The following LARS2 variants were observed in gnomAD, a reference collection of about 807,000 sequenced individuals.
LARS2 encodes leucine--tRNA ligase, mitochondrial.
LARS2 carries 81 observed loss-of-function variants against 116.6 expected under a neutral mutation model. The observed-to-expected ratio is 0.69, with a 90% CI of 0.58 to 0.84. The LOEUF (loss-of-function observed/expected upper bound fraction) is 0.84. Ranked by LOEUF, LARS2 falls within the 40% of genes least tolerant of loss-of-function variation. LARS2 has a pLI of 0.00. For synonymous variants in LARS2, 396 were observed against 407.2 expected, an observed-to-expected ratio of 0.97 and a Z score of 0.33; for missense variants, 968 against 1,114.5, an observed-to-expected ratio of 0.87 and a Z score of 1.87.
chr3:45,450,780 T>G (rs1699114469), intron 7 of LARS2, among the ~76,000 whole-genome samples: 2 of 152,166 alleles, frequency 1.3e-5, no homozygotes, highest in Admixed American at 1.3e-4. Context: ...TTTTTAATTT[T>G]ACAAGGAACC....
At chr3:45,481,460 C>T (rs1477907039) in intron 10 of LARS2, among the ~76,000 whole-genome samples, 2 of 152,276 alleles carry the variant, frequency 1.3e-5, no homozygotes, top group East Asian at 1.9e-4. Context: ...TTTACATTCC[C>T]ACCAGCAGTG....
At chr3:45,545,972 A>C (rs991841610) in intron 21 of LARS2, among the ~76,000 whole-genome samples, 1 of 151,966 alleles carries the variant, frequency 6.6e-6, no homozygotes, top group African/African-American at 2.4e-5. Context: ...AAAAAAAAAA[A>C]AAAACTAAGC....
chr3:45,405,751 C>G (rs1402211842), intron 4 of LARS2, among the ~76,000 whole-genome samples: 6 of 152,170 alleles, frequency 3.9e-5, no homozygotes. Context: ...CTTAAAACAA[C>G]AAAATTTTGT....
At chr3:45,514,007 A>G (rs1243249187) in intron 16 of LARS2, among the ~76,000 whole-genome samples, 1 of 152,116 alleles carries the variant, frequency 6.6e-6, no homozygotes, top group Non-Finnish European at 1.5e-5. Flanking sequence ...GGAGTTCAAG[A>G]CCATCCTGGC....
intron 6 of LARS2, among the ~76,000 whole-genome samples, chr3:45,428,387 A>G (rs1434371042): frequency 2.0e-5 from 3 of 151,476 alleles, no homozygotes; most frequent in African/African-American, 7.3e-5. Context: ...GGGACTACAG[A>G]TGCCTGCCAC....
intron 7 of LARS2, among the ~76,000 whole-genome samples, chr3:45,452,681 C>T (rs1381167250): frequency 6.6e-6 from 1 of 152,078 alleles, no homozygotes; most frequent in Admixed American, 6.6e-5. Context: ...GTTTGGATAT[C>T]AGGGTAATGC....
rs768054581 is a variant in LARS2 at position 45,476,616 on chromosome 3, T to C, written c.1007T>C (p.Val336Ala). The C allele has an allele frequency of 1.9e-5, 31 of 1,614,092 alleles. No individual in the cohort carries two copies. The highest frequency in any genetic ancestry group is 2.5e-5 in the Non-Finnish European group (30 of 1,179,974). Reference sequence around the variant, plus strand: ...AAGGAAGCCTTGAGGATGGCCCTTGTCCCTGGCAAAGGTGAGCTGGCAAGT... The same window carrying C: ...AAGGAAGCCTTGAGGATGGCCCTTGCCCCTGGCAAAGGTGAGCTGGCAAGT... ...SLKEALRMALVPGKDCLTPVM... is the reference protein window; with the variant it reads ...SLKEALRMALAPGKDCLTPVM... Residue 336 changes from valine to alanine, a missense_variant, in exon 10 of 22, where the codon GTC becomes GCC. Coordinates refer to ENST00000645846, the MANE Select transcript of LARS2 (RefSeq NM_015340.4).
chr3:45,488,275 A>T (rs555570064), intron 11 of LARS2, among the ~76,000 whole-genome samples: 1 of 152,256 alleles, frequency 6.6e-6, no homozygotes, highest in South Asian at 2.1e-4. Flanking sequence ...TCTACTAAAA[A>T]TACAAAAATT....
At chr3:45,476,895 T>A (rs1699620256) in intron 10 of LARS2, among the ~76,000 whole-genome samples, 1 of 152,202 alleles carries the variant, frequency 6.6e-6, no homozygotes, top group South Asian at 2.1e-4. Context: ...TTCAGTATAA[T>A]CTAAAGTTCT....
At chr3:45,532,935 C>T (rs1203938444) in intron 20 of LARS2, among the ~76,000 whole-genome samples, 1 of 152,150 alleles carries the variant, frequency 6.6e-6, no homozygotes, top group Non-Finnish European at 1.5e-5. Flanking sequence ...AACCACAGCG[C>T]CCGGCCACCT....
chr3:45,431,488 T>G, intron 6 of LARS2, among the ~76,000 whole-genome samples: 1 of 152,242 alleles, frequency 6.6e-6, no homozygotes, highest in Non-Finnish European at 1.5e-5. Context: ...TGATACACAG[T>G]GTATAAAGAT....
intron 20 of LARS2, among the ~76,000 whole-genome samples, chr3:45,525,102 C>T (rs555476745): frequency 6.6e-6 from 1 of 152,352 alleles, no homozygotes; most frequent in South Asian, 2.1e-4. Flanking sequence ...CCATCTCCCT[C>T]AGAGTTGCTT....
At chr3:45,438,885 G>A (rs747958085) in intron 6 of LARS2, among the ~76,000 whole-genome samples, 1 of 151,924 alleles carries the variant, frequency 6.6e-6, no homozygotes, top group Non-Finnish European at 1.5e-5. Context: ...GGAGGAAAGA[G>A]CAATTTGGGA....
At chr3:45,408,403 A>G (rs527992696) in intron 4 of LARS2, among the ~76,000 whole-genome samples, 64 of 152,336 alleles carry the variant, frequency 4.2e-4, no homozygotes, top group Middle Eastern at 3.4e-3. Context: ...TCTGATCTCA[A>G]AGTAAGGCAG....
intron 21 of LARS2, among the ~76,000 whole-genome samples, chr3:45,543,096 C>T (rs141097303): frequency 6.6e-6 from 1 of 152,302 alleles, no homozygotes; most frequent in East Asian, 1.9e-4. Flanking sequence ...TCCTTCACAG[C>T]CCCTTTGTCT....
chr3:45,434,756 C>G (rs1020014010), intron 6 of LARS2, among the ~76,000 whole-genome samples: 1 of 152,192 alleles, frequency 6.6e-6, no homozygotes, highest in Non-Finnish European at 1.5e-5. Context: ...GGGCCACTAT[C>G]TCTTTACTTC....
intron 15 of LARS2, among the ~76,000 whole-genome samples, chr3:45,507,776 A>G (rs1700220734): frequency 1.3e-5 from 2 of 152,128 alleles, no homozygotes; most frequent in Admixed American, 6.5e-5. Flanking sequence ...TCATGCCAAC[A>G]TGTTAACACT....
Position 45,548,009 on chromosome 3 carries a change from G to A in LARS2, c.*479G>A, listed in dbSNP as rs1358277231. The A allele has an allele frequency of 6.5e-6, 1 of 153,744 alleles. No homozygotes were observed. The highest frequency in any genetic ancestry group is 1.4e-5 in the Non-Finnish European group (1 of 69,140). The allele number at this position is 153,744 out of a possible 1,614,324, so 9.5% of individuals were successfully genotyped here. On this transcript the variant is annotated 3_prime_UTR_variant, in exon 22 of 22. Coordinates refer to ENST00000645846, the MANE Select transcript of LARS2 (RefSeq NM_015340.4). ...GGAACTGCTAACTGAGCCTCCAGATGGTAGTGAATGGTCTCTTTGCCTTCA... is the reference window on the plus strand; with the variant it reads ...GGAACTGCTAACTGAGCCTCCAGATAGTAGTGAATGGTCTCTTTGCCTTCA...
intron 6 of LARS2, among the ~76,000 whole-genome samples, chr3:45,428,137 T>G (rs1698627725): frequency 6.6e-6 from 1 of 151,404 alleles, no homozygotes; most frequent in Non-Finnish European, 1.5e-5. Flanking sequence ...TTGTTTTCAA[T>G]GTACTTTTAC....
Sources: allele counts gnomAD v4.1 joint callset (sites outside exome capture counted in the v4.1 genomes callset), GRCh38; gene constraint gnomAD v4.1.1; transcripts MANE v1.5; gene names NCBI Gene and HGNC (gene_info 2026-07-23, HGNC 2026-07-21).